Variants in NALF1 observed in about 807,000 individuals in gnomAD.
NALF1 encodes NALCN channel auxiliary factor 1.
In NALF1, 3 loss-of-function variants were observed where a neutral mutation model predicts 48.4. The ratio of observed to expected loss-of-function variants is 0.06; its 90% CI spans 0.03 to 0.16. The LOEUF (loss-of-function observed/expected upper bound fraction) is 0.16. Among genes scored for constraint, NALF1 ranks in the 10% least tolerant of loss-of-function variants. NALF1 has a pLI of 1.00. For synonymous variants in NALF1, 262 were observed against 245.7 expected (o/e 1.07, Z -0.62); for missense variants, 526 against 571.5 (o/e 0.92, Z 0.81).
intron 1 of NALF1, among the ~76,000 whole-genome samples, chr13:107,569,254 G>A (rs1009493571): frequency 1.3e-5 from 2 of 152,070 alleles, no homozygotes; most frequent in African/African-American, 4.8e-5. Context: ...TGGATCACGA[G>A]GTCAGGAGAT....
At chr13:107,477,303 G>A (rs1367348447) in intron 1 of NALF1, among the ~76,000 whole-genome samples, 1 of 152,078 alleles carries the variant, frequency 6.6e-6, no homozygotes, top group Non-Finnish European at 1.5e-5. Flanking sequence ...CAAACCAACA[G>A]ATTGCTCAAA....
At chr13:107,284,009 A>C (rs1263764252) in intron 1 of NALF1, among the ~76,000 whole-genome samples, 5 of 152,150 alleles carry the variant, frequency 3.3e-5, no homozygotes, top group Non-Finnish European at 5.9e-5. Flanking sequence ...AAATCACTTA[A>C]GATGAAAAAG....
At chr13:107,800,180 G>A (rs1400124686) in intron 1 of NALF1, among the ~76,000 whole-genome samples, 1 of 152,146 alleles carries the variant, frequency 6.6e-6, no homozygotes, top group Admixed American at 6.6e-5. Flanking sequence ...GGGAAGCAGA[G>A]TGTGGTCTGA....
chr13:107,351,239 G>A (rs146893249), intron 1 of NALF1, among the ~76,000 whole-genome samples: 12 of 111,108 alleles, frequency 1.1e-4, no homozygotes, highest in East Asian at 5.6e-4. Flanking sequence ...TAGATCTCGC[G>A]TTAAGTGTTC....
chr13:107,758,733 T>G (rs2146691), intron 1 of NALF1, among the ~76,000 whole-genome samples: 152,072 of 152,316 alleles, frequency 1, 75,914 homozygotes, highest in Middle Eastern at 1. Context: ...AAGAAAAAAA[T>G]AAAAAGAAAA....
intron 1 of NALF1, among the ~76,000 whole-genome samples, chr13:107,498,559 G>A (rs1349811008): frequency 1.3e-5 from 2 of 152,090 alleles, no homozygotes; most frequent in Non-Finnish European, 1.5e-5. Context: ...ATCTGTTGAT[G>A]CAATTCGAAA....
intron 1 of NALF1, among the ~76,000 whole-genome samples, chr13:107,751,549 TA>T (rs1876937890): frequency 6.6e-6 from 1 of 152,230 alleles, no homozygotes; most frequent in African/African-American, 2.4e-5. Context: ...ACAAATTAGT[TA>T]TTCCTTAAAA....
intron 2 of NALF1, among the ~76,000 whole-genome samples, chr13:107,199,736 G>A (rs1879470460): frequency 6.6e-6 from 1 of 152,170 alleles, no homozygotes; most frequent in East Asian, 1.9e-4. Flanking sequence ...ATTGACAGGA[G>A]GGTGGGATAC....
At chr13:107,360,277 G>A (rs1336945612) in intron 1 of NALF1, among the ~76,000 whole-genome samples, 2 of 152,110 alleles carry the variant, frequency 1.3e-5, no homozygotes, top group Non-Finnish European at 2.9e-5. Flanking sequence ...AACTTTGTTT[G>A]AATTGCAGCA....
At chr13:107,479,741 T>C (rs1885226020) in intron 1 of NALF1, among the ~76,000 whole-genome samples, 1 of 152,202 alleles carries the variant, frequency 6.6e-6, no homozygotes, top group Non-Finnish European at 1.5e-5. Flanking sequence ...CCTATAGTTT[T>C]AGCCTATTGT....
intron 1 of NALF1, among the ~76,000 whole-genome samples, chr13:107,536,376 T>G (rs1055034836): frequency 6.6e-6 from 1 of 151,930 alleles, no homozygotes; most frequent in Non-Finnish European, 1.5e-5. Flanking sequence ...TCAAACAAAT[T>G]TACAAGAAAA....
intron 1 of NALF1, among the ~76,000 whole-genome samples, chr13:107,286,256 G>A (rs544567195): frequency 2.0e-4 from 31 of 152,204 alleles, no homozygotes; most frequent in African/African-American, 5.3e-4. Context: ...CCACTCTTAC[G>A]TATATACCCC....
At chr13:107,657,899 T>C (rs1880626593) in intron 1 of NALF1, among the ~76,000 whole-genome samples, 3 of 152,178 alleles carry the variant, frequency 2.0e-5, no homozygotes, top group Admixed American at 2.0e-4. Context: ...AGAATTCCTT[T>C]ACTTTAGTGA....
intron 1 of NALF1, among the ~76,000 whole-genome samples, chr13:107,222,265 C>T (rs1207753278): frequency 1.3e-5 from 2 of 152,146 alleles, no homozygotes; most frequent in Non-Finnish European, 2.9e-5. Flanking sequence ...TTACTATTCC[C>T]CATAGAAACA....
chr13:107,500,111 G>C (rs1387018842), intron 1 of NALF1, among the ~76,000 whole-genome samples: 1 of 152,122 alleles, frequency 6.6e-6, no homozygotes, highest in African/African-American at 2.4e-5. Flanking sequence ...TGGAAGGCTT[G>C]ACAATTTTAC....
Position 107,865,974 on chromosome 13 carries a change from C to G in NALF1, c.623G>C (p.Arg208Thr). 1 of 1,613,172 alleles carries G rather than the reference C, an allele frequency of 6.2e-7. No individual in the cohort carries two copies. Among genetic ancestry groups the G allele is most frequent in the Non-Finnish European group, 8.5e-7 (1 of 1,179,910 alleles). ...CCAGAGCGGAGTGGGATGCTTGCTC[C>G]TCACCTCCTGCCCGTCCCCCCCGGC... ...GAAGGDGQEV[R>T]SKHPTPLWNL... Residue 208 changes from arginine (R) to threonine (T), a missense_variant, in exon 1 of 3, where the codon AGG (arginine) becomes ACG (threonine). By Grantham distance (71) the Arg-to-Thr change is moderately conservative. This residue lies in a region of NALF1 where 373 missense variants were observed against 355.5 expected (regional missense o/e 1.05). Transcript: ENST00000375915.
chr13:107,591,768 C>G (rs556443870), intron 1 of NALF1, among the ~76,000 whole-genome samples: 1 of 152,104 alleles, frequency 6.6e-6, no homozygotes, highest in Admixed American at 6.6e-5. Context: ...ATATTTAACT[C>G]AATTAAAATA....
chr13:107,282,234 T>C (rs1018633031), intron 1 of NALF1, among the ~76,000 whole-genome samples: 16 of 152,316 alleles, frequency 1.1e-4, no homozygotes, highest in Middle Eastern at 6.8e-3. Flanking sequence ...TCCCAGACTT[T>C]GAGGTCAGGT....
At chr13:107,781,493 T>C (rs1877886811) in intron 1 of NALF1, among the ~76,000 whole-genome samples, 1 of 152,140 alleles carries the variant, frequency 6.6e-6, no homozygotes, top group South Asian at 2.1e-4. Context: ...GTCTCCTTTC[T>C]AACTCCAGGG....
Sources: gnomAD v4.1 joint callset for allele counts (sites outside exome capture counted in the v4.1 genomes callset) on GRCh38, gnomAD v4.1.1 for gene constraint, gnomAD v4.1.1 regional missense constraint, MANE v1.5 for transcripts, NCBI Gene and HGNC (gene_info 2026-07-23, HGNC 2026-07-21) for gene names.